LMNB1: variants seen among roughly 807,000 people sequenced by gnomAD.
LMNB1 encodes lamin B1.
LMNB1 carries 23 observed loss-of-function variants against 67.1 expected under a neutral mutation model. The observed-to-expected ratio is 0.34, with a 90% CI of 0.25 to 0.49. LMNB1 has a LOEUF of 0.49. Among genes scored for constraint, LMNB1 ranks in the 20% least tolerant of loss-of-function variants. LMNB1 has a pLI of 0.99. For synonymous variants in LMNB1, 281 were observed against 282.9 expected, an observed-to-expected ratio of 0.99 and a Z score of 0.07; for missense variants, 634 against 746.5, an observed-to-expected ratio of 0.85 and a Z score of 1.76.
At chr5:126,828,348 C>T (rs1216298132) in intron 9 of LMNB1, among the ~76,000 whole-genome samples, 1 of 151,620 alleles carries the variant, frequency 6.6e-6, no homozygotes, top group Non-Finnish European at 1.5e-5. Context: ...AAGTTAGAAA[C>T]AATGTTATAG....
chr5:126,791,071 C>T (rs531510288), intron 1 of LMNB1, among the ~76,000 whole-genome samples: 9 of 152,102 alleles, frequency 5.9e-5, no homozygotes, highest in Middle Eastern at 3.4e-3. Context: ...AAAATGAAGA[C>T]GTGTTCTTTA....
chr5:126,827,050 G>A (rs1451303195), intron 9 of LMNB1, among the ~76,000 whole-genome samples: 1 of 152,128 alleles, frequency 6.6e-6, no homozygotes, highest in African/African-American at 2.4e-5. Flanking sequence ...CAGTTTCCAG[G>A]CTGGCAGGCT....
At chr5:126,816,222 C>T (rs1028155528) in intron 5 of LMNB1, among the ~76,000 whole-genome samples, 6 of 152,100 alleles carry the variant, frequency 3.9e-5, no homozygotes, top group African/African-American at 1.4e-4. Flanking sequence ...GGTTCAGGGA[C>T]TACCTTTGTA....
Position 126,821,063 on chromosome 5 carries a change from C to T in LMNB1, c.1314C>T (p.Ala438=), listed in dbSNP as rs1413988631. ...SSVSISHSAS[A]TGNVCIEEID... ...TTAGCATCTCTCATTCCGCCTCAGC[C>T]ACTGGAAATGTTTGCATCGAAGAAA... Residue 438 remains alanine, a synonymous_variant, in exon 7 of 11, where the codon GCC becomes GCT. Coordinates refer to ENST00000261366, the MANE Select transcript of LMNB1 (RefSeq NM_005573.4). The T allele has an allele frequency of 1.2e-6, 2 of 1,613,882 alleles. No homozygotes were observed.
At chr5:126,792,910 T>A (rs1372860836) in intron 1 of LMNB1, among the ~76,000 whole-genome samples, 1 of 152,050 alleles carries the variant, frequency 6.6e-6, no homozygotes, top group Non-Finnish European at 1.5e-5. Context: ...GGAAACAATA[T>A]GAGATGTAGG....
At chr5:126,791,323 A>G (rs1293587325) in intron 1 of LMNB1, among the ~76,000 whole-genome samples, 1 of 152,082 alleles carries the variant, frequency 6.6e-6, no homozygotes. Flanking sequence ...CCTAGTATTC[A>G]AATGTTGGAT....
chr5:126,823,372 T>C (rs762895540), intron 8 of LMNB1, among the ~76,000 whole-genome samples: 3 of 152,200 alleles, frequency 2.0e-5, no homozygotes, highest in Non-Finnish European at 4.4e-5. Flanking sequence ...TTTTCACTAA[T>C]TGGCATTCTG....
intron 5 of LMNB1, among the ~76,000 whole-genome samples, chr5:126,815,790 C>T (rs1037734026): frequency 2.0e-5 from 3 of 152,182 alleles, no homozygotes; most frequent in African/African-American, 7.2e-5. Context: ...TATTTCACTA[C>T]ACAGGTGTAA....
At chr5:126,812,393 G>A (rs2973604) in intron 5 of LMNB1, among the ~76,000 whole-genome samples, 42,471 of 152,126 alleles carry the variant, frequency 0.28, 6,346 homozygotes, top group South Asian at 0.38. Flanking sequence ...TGCATATTCC[G>A]ATAAGAATTT....
Position 126,826,790 on chromosome 5 carries a change from A to G in LMNB1, c.1611+683A>G, listed in dbSNP as rs149489073. On this transcript the variant is annotated intron_variant, in intron 9 of 10. Coordinates refer to ENST00000261366, the MANE Select transcript of LMNB1 (RefSeq NM_005573.4). ...TTGTCTTTCCCTAGCGAATCACCTTATCCAGGTGCTGTACCACGCATCACT... is the reference window on the plus strand; with the variant it reads ...TTGTCTTTCCCTAGCGAATCACCTTGTCCAGGTGCTGTACCACGCATCACT... Among the ~76,000 whole-genome samples, 688 of 152,328 alleles carry G rather than the reference A, an allele frequency of 4.5e-3. 11 individuals carry two copies. Among genetic ancestry groups the G allele is most frequent in the African/African-American group, 0.016 (660 of 41,568 alleles).
At chr5:126,800,982 A>ATATAT in intron 1 of LMNB1, among the ~76,000 whole-genome samples, 1 of 18,632 alleles carries the variant, frequency 5.4e-5, no homozygotes, top group Non-Finnish European at 1.0e-4. Flanking sequence ...TATATATATA[A>ATATAT]TTTTTTTTTT....
At chr5:126,835,168 A>G (rs1400803283) in intron 10 of LMNB1, among the ~76,000 whole-genome samples, 1 of 152,186 alleles carries the variant, frequency 6.6e-6, no homozygotes, top group Non-Finnish European at 1.5e-5. Context: ...GGGTGAGAGA[A>G]GAAAAAAAAT....
chr5:126,834,554 A>T (rs916266821), intron 10 of LMNB1, among the ~76,000 whole-genome samples: 3 of 152,212 alleles, frequency 2.0e-5, no homozygotes, highest in Non-Finnish European at 2.9e-5. Context: ...AATGGCAAAG[A>T]ATTCATGGTG....
chr5:126,777,367 C>T lies in LMNB1; in HGVS notation c.-142C>T, dbSNP rs185791970. ...CGAGCTCCCGCCATCCCAGGTGCTT[C>T]TCCGTTCCTCTAAACGCCAGCGTCT... On this transcript the variant is annotated 5_prime_UTR_variant, in exon 1 of 11. Coordinates refer to ENST00000261366, the MANE Select transcript of LMNB1 (RefSeq NM_005573.4). 3.9e-6 allele frequency: 4 copies of T among 1,013,636 alleles called. No homozygotes were observed. Among genetic ancestry groups the T allele is most frequent in the East Asian group, 7.0e-5 (2 of 28,724 alleles). 62.8% of individuals were successfully genotyped at this position (1,013,636 alleles called of 1,614,324 possible).
rs532813356 is a variant in LMNB1 at position 126,797,299 on chromosome 5, A to G, written c.360-7477A>G. ...TTCTTCTGTAAAACATCTAAAGCAA[A>G]TGGGTATGTTTTGTGACTTATTTTC... On this transcript the variant is annotated intron_variant, in intron 1 of 10. Transcript: ENST00000261366. Among the ~76,000 whole-genome samples the G allele has an allele frequency of 4.6e-5, 7 of 152,282 alleles. No individual in the cohort carries two copies. The East Asian group carries it at 7.7e-4, about 17-fold the overall frequency.
chr5:126,824,301 T>C (rs1208708085), intron 8 of LMNB1, among the ~76,000 whole-genome samples: 2 of 152,214 alleles, frequency 1.3e-5, no homozygotes, highest in African/African-American at 4.8e-5. Flanking sequence ...AAGACATGAA[T>C]TTTAGAACTA....
chr5:126,828,560 A>G (rs554300415), intron 9 of LMNB1, among the ~76,000 whole-genome samples: 18 of 150,076 alleles, frequency 1.2e-4, no homozygotes, highest in Admixed American at 1.1e-3. Context: ...TGATTGATTG[A>G]TTGGTTGGTT....
At chr5:126,815,003 T>C (rs895414712) in intron 5 of LMNB1, among the ~76,000 whole-genome samples, 1 of 152,240 alleles carries the variant, frequency 6.6e-6, no homozygotes, top group African/African-American at 2.4e-5. Context: ...TAGTTTTTAA[T>C]TTCTCTGGGG....
At chr5:126,788,779 G>A (rs1348700682) in intron 1 of LMNB1, among the ~76,000 whole-genome samples, 1 of 152,136 alleles carries the variant, frequency 6.6e-6, no homozygotes, top group African/African-American at 2.4e-5. Flanking sequence ...AGAGCCTTTG[G>A]TTAATAGAGG....
Sources: allele counts gnomAD v4.1 joint callset (sites outside exome capture counted in the v4.1 genomes callset), GRCh38; gene constraint gnomAD v4.1.1; transcripts MANE v1.5; gene names NCBI Gene and HGNC (gene_info 2026-07-23, HGNC 2026-07-21).